WWOX: variants seen among roughly 807,000 people sequenced by gnomAD.
WWOX encodes WW domain-containing oxidoreductase.
In WWOX, 69 loss-of-function variants were observed where a neutral mutation model predicts 46.2. That is an observed-to-expected ratio of 1.49 (90% CI 1.23 to 1.82). WWOX has a LOEUF of 1.82. WWOX is among the 40% of genes most tolerant of loss of function. WWOX has a pLI of 0.00. For missense variants in WWOX, 919 were observed against 542.6 expected (o/e 1.69, Z -6.89); for synonymous variants, 359 against 202.6 (o/e 1.77, Z -6.56).
At chr16:78,337,995 A>C (rs73576468) in intron 5 of WWOX, among the ~76,000 whole-genome samples, 2,436 of 119,998 alleles carry the variant, frequency 0.02, 579 homozygotes, top group African/African-American at 0.067. Flanking sequence ...CTTGGCAACC[A>C]AGCTGATGAG....
chr16:78,718,092 G>GTTTTTTTTTTTTTTTTTTTTTTTTTTTTT lies in WWOX; in HGVS notation c.1056+285342_1056+285343insTTTTTTTTTTTTTTTTTTTTTTTTTTTTT. On this transcript the variant is annotated intron_variant, in intron 8 of 8. Coordinates refer to ENST00000566780, the MANE Select transcript of WWOX (RefSeq NM_016373.4). The stretch of plus-strand genomic sequence containing the variant: ...GGATTTCAAACAAGGGGTTCTGGTG[G>GTTTTTTTTTTTTTTTTTTTTTTTTTTTTT]TTGTATTTTTGCCTCAACGGTTATT... Among the ~76,000 whole-genome samples the GTTTTTTTTTTTTTTTTTTTTTTTTTTTTT allele has an allele frequency of 6.4e-5, 9 of 139,676 alleles. 1 individual carries two copies. The highest frequency in any genetic ancestry group is 2.6e-4 in the African/African-American group (9 of 34,408). The allele number at this position is 139,676 out of a possible 152,430, so 91.6% of individuals were successfully genotyped here. A position where few individuals can be genotyped will look rare whatever the true frequency, so the allele number is the denominator to read the frequency against.
At chr16:78,101,296 C>T (rs890158260) in intron 1 of WWOX, among the ~76,000 whole-genome samples, 2 of 144,102 alleles carry the variant, frequency 1.4e-5, no homozygotes, top group African/African-American at 2.5e-5. Context: ...ATCCTCCCGC[C>T]TCGGCCTCTC....
At chr16:78,317,159 T>C (rs570823283) in intron 5 of WWOX, among the ~76,000 whole-genome samples, 1 of 152,240 alleles carries the variant, frequency 6.6e-6, no homozygotes, top group African/African-American at 2.4e-5. Flanking sequence ...GGAAGGCTTC[T>C]GGAAAGAAGT....
intron 8 of WWOX, among the ~76,000 whole-genome samples, chr16:78,461,019 G>C (rs1037096579): frequency 6.6e-6 from 1 of 152,246 alleles, no homozygotes; most frequent in Non-Finnish European, 1.5e-5. Flanking sequence ...CATACTTGAA[G>C]AGTGGACATC....
intron 8 of WWOX, among the ~76,000 whole-genome samples, chr16:78,818,885 G>A (rs759342250): frequency 3.9e-5 from 6 of 152,208 alleles, no homozygotes; most frequent in Admixed American, 6.5e-5. Flanking sequence ...AATGTAAAGT[G>A]GAGGTTAAGT....
Position 78,867,666 on chromosome 16 carries a change from G to C in WWOX, c.1057-343942G>C, listed in dbSNP as rs532278176. On this transcript the variant is annotated intron_variant, in intron 8 of 8. Coordinates refer to ENST00000566780, the MANE Select transcript of WWOX (RefSeq NM_016373.4). ...AGAGAGTCTCCCACCTCAGCCTCAC[G>C]AGTAGCTGGGATTTCAGGTGCCTGC... is the stretch of plus-strand genomic sequence containing the variant. 1.1e-4 allele frequency among the ~76,000 whole-genome samples: 16 copies of C among 152,110 alleles called. No homozygotes were observed. The East Asian group carries it at 1.2e-3, about 11-fold the overall frequency.
chr16:78,876,580 T>C (rs2044238803), intron 8 of WWOX, among the ~76,000 whole-genome samples: 1 of 152,192 alleles, frequency 6.6e-6, no homozygotes, highest in Non-Finnish European at 1.5e-5. Context: ...TTTAATTTGT[T>C]AATGCTTTCG....
At chr16:78,935,997 C>T (rs1226808479) in intron 8 of WWOX, among the ~76,000 whole-genome samples, 1 of 151,934 alleles carries the variant, frequency 6.6e-6, no homozygotes, top group Non-Finnish European at 1.5e-5. Flanking sequence ...ATTTTAGTTG[C>T]TGGATGCTGA....
intron 8 of WWOX, among the ~76,000 whole-genome samples, chr16:78,517,824 GAA>G (rs200115908): frequency 8.0e-6 from 1 of 124,498 alleles, no homozygotes; most frequent in Non-Finnish European, 1.7e-5. Context: ...AACAAGAAGT[GAA>G]AAAAAAAAAG....
chr16:78,700,585 G>A (rs1279128910), intron 8 of WWOX, among the ~76,000 whole-genome samples: 1 of 152,196 alleles, frequency 6.6e-6, no homozygotes, highest in Non-Finnish European at 1.5e-5. Flanking sequence ...AAACCCACCA[G>A]GTCCAAGGAA....
chr16:78,847,581 G>A (rs966154917), intron 8 of WWOX, among the ~76,000 whole-genome samples: 4 of 151,784 alleles, frequency 2.6e-5, no homozygotes, highest in Non-Finnish European at 4.4e-5. Flanking sequence ...CGATTCTCCC[G>A]CCTCAGCTTC....
In WWOX at chr16:79,155,428, CT is replaced by C. The variant is rs528415187; in HGVS notation, c.1057-56177del. Among the ~76,000 whole-genome samples, 11 of 152,160 alleles carry C rather than the reference CT, an allele frequency of 7.2e-5. No individual in the cohort carries two copies. The South Asian group carries it at 2.3e-3, about 32-fold the overall frequency. On this transcript the variant is annotated intron_variant, in intron 8 of 8. Coordinates refer to ENST00000566780, the MANE Select transcript of WWOX (RefSeq NM_016373.4). ...TGGGCAGAGAGTAAAATATTTTAGA[CT>C]TTGAAGTCTAAGAGACAAAATTGAG... is the stretch of plus-strand genomic sequence containing the variant.
At chr16:78,890,343 A>G (rs899181407) in intron 8 of WWOX, 2 of 152,164 alleles carry the variant, frequency 1.3e-5, no homozygotes, top group Non-Finnish European at 2.9e-5. Context: ...GACCTCCATC[A>G]TTCTTAAATT....
chr16:78,561,657 A>G (rs2044439628), intron 8 of WWOX, among the ~76,000 whole-genome samples: 1 of 152,162 alleles, frequency 6.6e-6, no homozygotes. Flanking sequence ...AAAGTTTAAT[A>G]TAAAAGAAAG....
intron 8 of WWOX, among the ~76,000 whole-genome samples, chr16:79,043,511 G>A (rs890360930): frequency 3.9e-5 from 6 of 152,144 alleles, no homozygotes; most frequent in Admixed American, 3.3e-4. Context: ...AGGGGTAGAC[G>A]TGAGTTCAGG....
intron 8 of WWOX, among the ~76,000 whole-genome samples, chr16:78,633,941 A>G (rs2046502795): frequency 6.7e-6 from 1 of 149,002 alleles, no homozygotes; most frequent in Non-Finnish European, 1.5e-5. Context: ...GAACAGTTCC[A>G]GCTCTGCCGA....
At chr16:78,767,265 C>T (rs1317614934) in intron 8 of WWOX, among the ~76,000 whole-genome samples, 3 of 152,014 alleles carry the variant, frequency 2.0e-5, no homozygotes, top group Admixed American at 2.0e-4. Flanking sequence ...GAGGTGCATG[C>T]CACCATGCCT....
intron 4 of WWOX, among the ~76,000 whole-genome samples, chr16:78,141,206 G>A (rs1343837224): frequency 1.3e-5 from 2 of 152,178 alleles, no homozygotes; most frequent in East Asian, 1.9e-4. Context: ...TGTTGCAGAG[G>A]CAATTTAAAT....
chr16:79,169,942 C>T (rs998931685), intron 8 of WWOX, among the ~76,000 whole-genome samples: 3 of 152,156 alleles, frequency 2.0e-5, no homozygotes, highest in African/African-American at 7.2e-5. Context: ...TGCACAGTGG[C>T]TCAGCAGAAC....
Sources: gnomAD v4.1 joint callset for allele counts (sites outside exome capture counted in the v4.1 genomes callset) on GRCh38, gnomAD v4.1.1 for gene constraint, MANE v1.5 for transcripts, NCBI Gene and HGNC (gene_info 2026-07-23, HGNC 2026-07-21) for gene names.